GRM5: variants seen among roughly 807,000 people sequenced by gnomAD.
GRM5 encodes glutamate metabotropic receptor 5.
Under a neutral mutation model 83.1 loss-of-function variants are expected in GRM5, and 19 were observed. That is an observed-to-expected ratio of 0.23 (90% CI 0.16 to 0.34). The LOEUF (loss-of-function observed/expected upper bound fraction) is 0.34, where lower values mean the gene tolerates loss of function less well. Among genes scored for constraint, GRM5 ranks in the 10% least tolerant of loss-of-function variants. The pLI is 1.00. For missense variants in GRM5, 1,160 were observed against 1,588.3 expected, an observed-to-expected ratio of 0.73 and a Z score of 4.58; for synonymous variants, 675 against 633.6, an observed-to-expected ratio of 1.07 and a Z score of -0.98.
At chr11:88,946,504 T>C (rs912994895) in intron 2 of GRM5, among the ~76,000 whole-genome samples, 1 of 152,124 alleles carries the variant, frequency 6.6e-6, no homozygotes, top group African/African-American at 2.4e-5. Context: ...TAAAATTATG[T>C]TCTTTGCAGC....
rs991173686 is a variant in GRM5 at position 88,602,943 on chromosome 11, CT to C, written c.1394+1774del. Among the ~76,000 whole-genome samples, 52 of 152,162 alleles carry C rather than the reference CT, an allele frequency of 3.4e-4. 1 individual carries two copies. The highest frequency in any genetic ancestry group is 1.2e-3 in the African/African-American group (51 of 41,526). On this transcript the variant is annotated intron_variant, in intron 5 of 9. Transcript: ENST00000305447. ...GGAGAAACAAAAGGTGGTAAATCACCTTTTCCTGAGTCTGCTTCATGCCCTT... is the reference window on the plus strand; with the variant it reads ...GGAGAAACAAAAGGTGGTAAATCACCTTTCCTGAGTCTGCTTCATGCCCTT...
At chr11:89,053,971 A>G (rs1941817296) in intron 1 of GRM5, among the ~76,000 whole-genome samples, 1 of 152,228 alleles carries the variant, frequency 6.6e-6, no homozygotes, top group African/African-American at 2.4e-5. Flanking sequence ...GAAGACATGG[A>G]GAACAAGAGG....
chr11:88,993,875 C>T (rs1239152538), intron 2 of GRM5, among the ~76,000 whole-genome samples: 3 of 152,090 alleles, frequency 2.0e-5, no homozygotes, highest in Admixed American at 1.3e-4. Flanking sequence ...GCTTGAGCCA[C>T]CATACCCAAC....
At chr11:88,676,394 A>T (rs535710585) in intron 3 of GRM5, among the ~76,000 whole-genome samples, 1 of 152,116 alleles carries the variant, frequency 6.6e-6, no homozygotes, top group East Asian at 1.9e-4. Context: ...GCTGTTCTTT[A>T]TTCACCTCTA....
chr11:89,020,196 A>G (rs1265525279), intron 2 of GRM5, among the ~76,000 whole-genome samples: 3 of 152,234 alleles, frequency 2.0e-5, no homozygotes, highest in Admixed American at 2.0e-4. Flanking sequence ...GTACAAGTGA[A>G]AGTCTCAGAT....
intron 2 of GRM5, among the ~76,000 whole-genome samples, chr11:88,880,612 G>A (rs988805759): frequency 9.9e-5 from 15 of 152,082 alleles, no homozygotes; most frequent in Non-Finnish European, 2.9e-5. Context: ...CAAGAACTTG[G>A]TAGGAGGTCT....
chr11:89,018,216 T>C (rs1940904839), intron 2 of GRM5, among the ~76,000 whole-genome samples: 1 of 152,170 alleles, frequency 6.6e-6, no homozygotes, highest in Non-Finnish European at 1.5e-5. Context: ...AGGGCACATG[T>C]AGTGTCTATA....
intron 2 of GRM5, among the ~76,000 whole-genome samples, chr11:88,992,257 C>G (rs939880584): frequency 6.6e-6 from 1 of 151,980 alleles, no homozygotes; most frequent in Non-Finnish European, 1.5e-5. Flanking sequence ...CCAAAAAACA[C>G]ATGAAAAATT....
chr11:88,953,599 C>T (rs1301840896), intron 2 of GRM5, among the ~76,000 whole-genome samples: 1 of 152,164 alleles, frequency 6.6e-6, no homozygotes. Context: ...CTGTCCTTGC[C>T]ATAGGCACTA....
intron 3 of GRM5, among the ~76,000 whole-genome samples, chr11:88,673,870 T>C (rs1243742617): frequency 7.4e-6 from 1 of 135,002 alleles, no homozygotes; most frequent in Non-Finnish European, 1.6e-5. Context: ...TAATTTCAGA[T>C]CAGGGGATGT....
chr11:88,858,473 A>G (rs1430512730), intron 2 of GRM5, among the ~76,000 whole-genome samples: 1 of 152,046 alleles, frequency 6.6e-6, no homozygotes, highest in Non-Finnish European at 1.5e-5. Context: ...TCTGGCTATC[A>G]AGTATGGAGT....
At chr11:88,769,665 T>C (rs941957586) in intron 3 of GRM5, among the ~76,000 whole-genome samples, 1 of 152,026 alleles carries the variant, frequency 6.6e-6, no homozygotes, top group Non-Finnish European at 1.5e-5. Flanking sequence ...AAAGAACTCC[T>C]AGTGGACAAA....
intron 6 of GRM5, among the ~76,000 whole-genome samples, chr11:88,596,666 T>C (rs1054071818): frequency 2.0e-5 from 3 of 152,078 alleles, no homozygotes; most frequent in East Asian, 1.9e-4. Flanking sequence ...TTTTATTCAG[T>C]AGAAATATCT....
At chr11:88,925,360 C>T (rs1470400881) in intron 2 of GRM5, among the ~76,000 whole-genome samples, 2 of 151,822 alleles carry the variant, frequency 1.3e-5, no homozygotes, top group Non-Finnish European at 2.9e-5. Context: ...CTAGCTTCAT[C>T]TCCCAAAGTC....
intron 3 of GRM5, among the ~76,000 whole-genome samples, chr11:88,711,761 T>G (rs370148231): frequency 6.6e-5 from 10 of 150,946 alleles, no homozygotes; most frequent in African/African-American, 2.4e-4. Flanking sequence ...CTCTCCTGAC[T>G]CAGATTATTG....
At chr11:88,651,203 T>G (rs1008235418) in intron 4 of GRM5, among the ~76,000 whole-genome samples, 2 of 152,044 alleles carry the variant, frequency 1.3e-5, no homozygotes, top group Non-Finnish European at 2.9e-5. Flanking sequence ...AAGGCTGTAT[T>G]TAAGCAGGAC....
chr11:89,053,373 C>T (rs1289832543), intron 1 of GRM5, among the ~76,000 whole-genome samples: 2 of 152,094 alleles, frequency 1.3e-5, no homozygotes, highest in African/African-American at 2.4e-5. Context: ...AAGAACTGTG[C>T]CATTACTCAG....
chr11:88,570,571 A>ATATATTTTT (rs1405339448), intron 7 of GRM5, among the ~76,000 whole-genome samples: 4 of 46,380 alleles, frequency 8.6e-5, no homozygotes, highest in African/African-American at 1.3e-4. Flanking sequence ...ATATATATAT[A>ATATATTTTT]TTTTTTTTTT....
intron 8 of GRM5, among the ~76,000 whole-genome samples, chr11:88,541,748 AT>A (rs1942274175): frequency 6.6e-6 from 1 of 152,104 alleles, no homozygotes; most frequent in South Asian, 2.1e-4. Flanking sequence ...TTTTATGTAG[AT>A]TTTAGCATTT....
Sources: allele counts gnomAD v4.1 joint callset (sites outside exome capture counted in the v4.1 genomes callset), GRCh38; gene constraint gnomAD v4.1.1; transcripts MANE v1.5; gene names NCBI Gene and HGNC (gene_info 2026-07-23, HGNC 2026-07-21).